Variants in STAB2 observed in about 807,000 individuals in gnomAD.
STAB2 encodes the protein stabilin-2.
Under a neutral mutation model 338.1 loss-of-function variants are expected in STAB2, and 288 were observed. That is an observed-to-expected ratio of 0.85 (90% CI 0.77 to 0.94). The LOEUF is 0.94. STAB2 is among the 40% of genes least tolerant of loss of function. The pLI is 0.00. For missense variants in STAB2, 3,141 were observed against 3,210.1 expected (o/e 0.98, Z 0.52); for synonymous variants, 1,202 against 1,193.3 (o/e 1.01, Z -0.15).
intron 52 of STAB2, among the ~76,000 whole-genome samples, chr12:103,735,781 C>T (rs1037623476): frequency 6.6e-6 from 1 of 152,150 alleles, no homozygotes; most frequent in Non-Finnish European, 1.5e-5. Context: ...CCTGGCCAAC[C>T]CAAGCCCTCC....
intron 39 of STAB2, among the ~76,000 whole-genome samples, 166 bp downstream of exon 39, chr12:103,708,702 A>G (rs1879586510): frequency 1.3e-5 from 2 of 152,262 alleles, no homozygotes; most frequent in African/African-American, 2.4e-5. Context: ...AGCAGAAAGA[A>G]GAAAATAAAA....
chr12:103,614,031 A>G (rs955321317), intron 3 of STAB2, among the ~76,000 whole-genome samples: 1 of 152,178 alleles, frequency 6.6e-6, no homozygotes, highest in African/African-American at 2.4e-5. Flanking sequence ...TCTTGAATAC[A>G]TAGAGTACAG....
intron 39 of STAB2, chr12:103,711,262 A>T: frequency 8.2e-6 from 5 of 607,936 alleles, no homozygotes; most frequent in Non-Finnish European, 1.4e-5. Flanking sequence ...GGCAAACAGA[A>T]GACACCATCA....
chr12:103,662,523 G>A (rs1874710306), intron 17 of STAB2, among the ~76,000 whole-genome samples: 1 of 152,220 alleles, frequency 6.6e-6, no homozygotes, highest in Non-Finnish European at 1.5e-5. Context: ...TATTTCACCA[G>A]AGAGAGGTCA....
chr12:103,587,578 T>A (rs1355308835), intron 1 of STAB2, 21 bp downstream of exon 1: 1 of 1,599,482 alleles, frequency 6.3e-7, no homozygotes, highest in Non-Finnish European at 8.6e-7. Context: ...ACTTACATAT[T>A]TTTTTCATTT....
At chr12:103,750,465 T>C (rs1883527943) in intron 59 of STAB2, 114 bp from the exon 60 acceptor site, 3 of 1,365,190 alleles carry the variant, frequency 2.2e-6, no homozygotes, top group Admixed American at 4.0e-5. Flanking sequence ...GAAAGGCACG[T>C]TCTCTTGGTC....
intron 44 of STAB2, among the ~76,000 whole-genome samples, chr12:103,718,903 C>T (rs1212861913): frequency 6.6e-6 from 1 of 152,202 alleles, no homozygotes; most frequent in Non-Finnish European, 1.5e-5. Context: ...TTACCACTAA[C>T]ATCTGGGCTT....
chr12:103,755,636 G>A lies in STAB2; in HGVS notation c.6905G>A (p.Gly2302Asp), dbSNP rs771457790. 4 of 1,614,038 alleles carry A rather than the reference G, an allele frequency of 2.5e-6. No homozygotes were observed. The highest frequency in any genetic ancestry group is 2.5e-6 in the Non-Finnish European group (3 of 1,180,044). The part of the protein sequence containing the change: ...MKDVNCTCKV[G>D]YVGDGFSCSG... Reference sequence around the variant, plus strand: ...GATGTGAACTGCACCTGCAAGGTGGGCTATGTGGGAGATGGCTTCTCATGC... The same window carrying A: ...GATGTGAACTGCACCTGCAAGGTGGACTATGTGGGAGATGGCTTCTCATGC... The change falls in exon 63 of 69, where the codon GGC (glycine) becomes GAC (aspartate). Residue 2302 changes from glycine (G) to aspartate (D), a missense_variant. By Grantham distance (94) the Gly-to-Asp change is moderately conservative (BLOSUM62 -1). Transcript: ENST00000388887.
rs1467780046 is a variant in STAB2, at chr12:103,737,785, G to A, written c.5697+5G>A. The A allele has an allele frequency of 6.2e-7, 1 of 1,613,454 alleles. No individual in the cohort carries two copies. The highest frequency in any genetic ancestry group is 8.5e-7 in the Non-Finnish European group (1 of 1,179,890). On this transcript the variant is annotated splice_donor_5th_base_variant and intron_variant, in intron 53 of 68. Transcript: ENST00000388887. ...TTTACTACTTTCGATGCCTCGGTCA[G>A]TCCTAAAAACAACAGTGTAGTAAGA...
chr12:103,631,090 C>G (rs960866537), intron 5 of STAB2, among the ~76,000 whole-genome samples: 1 of 152,204 alleles, frequency 6.6e-6, no homozygotes, highest in South Asian at 2.1e-4. Flanking sequence ...TGATCTGTCA[C>G]TGGGCTAAAA....
At chr12:103,701,345 T>G (rs866304389) in intron 34 of STAB2, among the ~76,000 whole-genome samples, 8 of 152,266 alleles carry the variant, frequency 5.3e-5, no homozygotes, top group African/African-American at 1.9e-4. Flanking sequence ...GCAGCATGAT[T>G]TATAGTCCTT....
chr12:103,660,281 A>T, intron 15 of STAB2, 50 bp from the exon 16 acceptor site: 1 of 1,551,376 alleles, frequency 6.4e-7, no homozygotes, highest in Non-Finnish European at 8.9e-7. Context: ...ACAAGAGTGG[A>T]AGTGTTGCAT....
At chr12:103,723,997 G>A (rs148032672) in intron 44 of STAB2, among the ~76,000 whole-genome samples, 284 of 152,276 alleles carry the variant, frequency 1.9e-3, no homozygotes, top group Admixed American at 4.1e-3. Context: ...GCCAGGGGAT[G>A]GGGACAGGGG....
intron 3 of STAB2, among the ~76,000 whole-genome samples, chr12:103,610,592 A>G (rs1430407492): frequency 2.0e-5 from 3 of 151,654 alleles, no homozygotes; most frequent in East Asian, 3.9e-4. Context: ...TTCTTTATTA[A>G]TCTTGCTAGC....
chr12:103,750,523 C>A, intron 59 of STAB2, 56 bp from the exon 60 acceptor site: 1 of 1,597,786 alleles, frequency 6.3e-7, no homozygotes, highest in South Asian at 1.1e-5. Context: ...GGCACTTGGG[C>A]ATCCTGGGGT....
At chr12:103,622,186 A>G (rs1957312843) in intron 5 of STAB2, 75 bp downstream of exon 5, 2 of 1,462,092 alleles carry the variant, frequency 1.4e-6, no homozygotes, top group Admixed American at 3.5e-5. Flanking sequence ...CCTTGAGGAG[A>G]AAACACTGAA....
intron 44 of STAB2, among the ~76,000 whole-genome samples, chr12:103,721,260 C>T (rs1217169443): frequency 1.3e-5 from 2 of 152,180 alleles, no homozygotes; most frequent in Non-Finnish European, 2.9e-5. Context: ...GCCGAGGTGA[C>T]TCATTCCTGA....
At chr12:103,726,028 G>A (rs1881172886) in intron 45 of STAB2, 88 bp from the exon 46 acceptor site, 49 of 1,438,662 alleles carry the variant, frequency 3.4e-5, no homozygotes, top group Non-Finnish European at 4.5e-5. Flanking sequence ...CCAGCTGAAG[G>A]GATGGCAGAG....
chr12:103,601,792 T>C (rs1956958293), intron 3 of STAB2, among the ~76,000 whole-genome samples: 1 of 152,202 alleles, frequency 6.6e-6, no homozygotes. Flanking sequence ...TGTTTAAAAA[T>C]AGACATTTAT....
Sources: allele counts gnomAD v4.1 joint callset (sites outside exome capture counted in the v4.1 genomes callset), GRCh38; gene constraint gnomAD v4.1.1; transcripts MANE v1.5; gene names NCBI Gene and HGNC (gene_info 2026-07-23, HGNC 2026-07-21).